Variants in CDC42BPB observed in about 807,000 individuals in gnomAD.
CDC42BPB encodes CDC42 binding protein kinase beta, also known as serine/threonine-protein kinase MRCK beta.
In CDC42BPB, 37 loss-of-function variants were observed where a neutral mutation model predicts 214.9. The observed-to-expected ratio is 0.17, with a 90% confidence interval of 0.13 to 0.23. The LOEUF (loss-of-function observed/expected upper bound fraction) is 0.23. CDC42BPB is among the 10% of genes least tolerant of loss of function. CDC42BPB has a pLI of 1.00. For missense variants in CDC42BPB, 1,694 were observed against 2,227.0 expected (o/e 0.76, Z 4.82); for synonymous variants, 931 against 884.0 (o/e 1.05, Z -0.94).
At chr14:103,046,517 A>C (rs1369718390) in intron 1 of CDC42BPB, among the ~76,000 whole-genome samples, 1 of 152,246 alleles carries the variant, frequency 6.6e-6, no homozygotes, top group East Asian at 1.9e-4. Context: ...GAAACAGACA[A>C]GGTAGGAGGC....
intron 1 of CDC42BPB, among the ~76,000 whole-genome samples, chr14:103,014,289 G>A (rs555706903): frequency 7.2e-5 from 11 of 151,956 alleles, no homozygotes; most frequent in African/African-American, 2.2e-4. Context: ...GCTCGTGCCC[G>A]CCATGTATCC....
intron 27 of CDC42BPB, 88 bp downstream of exon 27, chr14:102,947,633 G>T: frequency 8.5e-7 from 1 of 1,174,848 alleles, no homozygotes; most frequent in Non-Finnish European, 1.3e-6. Context: ...CTGGAGGTGC[G>T]CTGATGGCTG....
At chr14:102,999,257 G>A (rs1294148653) in intron 5 of CDC42BPB, among the ~76,000 whole-genome samples, 1 of 151,334 alleles carries the variant, frequency 6.6e-6, no homozygotes, top group Admixed American at 6.6e-5. Flanking sequence ...GTGAGCCCCA[G>A]GGAGCACAGG....
rs10146545 is a variant in CDC42BPB at position 102,943,093 on chromosome 14, G to A, written c.4408+798C>T. On this transcript the variant is annotated intron_variant, in intron 30 of 36. Transcript: ENST00000361246. The surrounding 1 kb of genome is among the most constrained non-coding windows in gnomAD (Gnocchi z 4.6). ...TCACCCTATTAGCCAGGATGGTCTC[G>A]ATCTCCTAACCTCGTGATCCGCCCT... 0.013 allele frequency among the ~76,000 whole-genome samples: 1,984 copies of A among 152,176 alleles called. 52 individuals carry two copies. The highest frequency in any genetic ancestry group is 0.046 in the African/African-American group (1,903 of 41,502).
intron 18 of CDC42BPB, 83 bp downstream of exon 18, chr14:102,966,199 A>G (rs141017969): frequency 8.2e-5 from 86 of 1,054,454 alleles, no homozygotes; most frequent in Non-Finnish European, 1.2e-4. Context: ...AATTCCCTAA[A>G]TAGTACTTAT....
intron 20 of CDC42BPB, among the ~76,000 whole-genome samples, chr14:102,961,162 G>GAATC (rs34666495): frequency 0.08 from 11,966 of 149,558 alleles, 660 homozygotes; most frequent in African/African-American, 0.16. Flanking sequence ...GCAAGACCCT[G>GAATC]AATCAATCAA....
Position 102,975,740 on chromosome 14 carries a change from T to A in CDC42BPB, c.1451A>T (p.Asp484Val). Residue 484 changes from aspartate (D) to valine (V), a missense_variant, in exon 11 of 37, where the codon GAT (aspartate) becomes GTT (valine). Around this residue, in one of 7 missense-constraint regions of CDC42BPB, gnomAD observed 462 missense variants for 513.5 expected, o/e 0.90. Coordinates refer to ENST00000361246, the MANE Select transcript of CDC42BPB (RefSeq NM_006035.4). ...TTCATTTAGCTTTTTGATTTCTTTA[T>A]CTCGGTTTGAATTGCTGAGGGCCCG... The part of the protein sequence containing the change: ...SSRALSNSNR[D>V]KEIKKLNEEI... The A allele has an allele frequency of 6.2e-7, 1 of 1,614,220 alleles. No individual in the cohort carries two copies. Among genetic ancestry groups the A allele is most frequent in the Non-Finnish European group, 8.5e-7 (1 of 1,180,008 alleles).
chr14:102,978,272 T>C (rs1483505511), intron 8 of CDC42BPB, 67 bp from the exon 9 acceptor site: 3 of 1,600,682 alleles, frequency 1.9e-6, no homozygotes, highest in Middle Eastern at 1.7e-4. Flanking sequence ...AGAGGAAAGA[T>C]GGTTACAGTC....
chr14:103,012,305 T>C, intron 1 of CDC42BPB, 117 bp from the exon 2 acceptor site: 1 of 1,467,000 alleles, frequency 6.8e-7, no homozygotes, highest in Non-Finnish European at 9.0e-7. Context: ...TTTGAAAATA[T>C]TTAATATCTG....
chr14:103,001,281 C>T lies in CDC42BPB; in HGVS notation c.448-1568G>A, dbSNP rs192578144. Among the ~76,000 whole-genome samples, 1 of 152,334 alleles carries T rather than the reference C, an allele frequency of 6.6e-6. No homozygotes were observed. Among genetic ancestry groups the T allele is most frequent in the East Asian group, 1.9e-4 (1 of 5,172 alleles). On this transcript the variant is annotated intron_variant, in intron 4 of 36. Transcript: ENST00000361246. This position sits in a 1 kb window ranked among gnomAD's most constrained non-coding sequence, Gnocchi z 5.8. ...GTGGCCCCGCCAGCCCCTCTGGCAA[C>T]AGGGGTGCTGGCATGCACGAGACAG... is the stretch of plus-strand genomic sequence containing the variant.
At chr14:102,960,380 G>A (rs1892904881) in intron 20 of CDC42BPB, among the ~76,000 whole-genome samples, 1 of 152,104 alleles carries the variant, frequency 6.6e-6, no homozygotes, top group Non-Finnish European at 1.5e-5. Context: ...ACTTTGGGAG[G>A]CCAAGGTCGG....
intron 5 of CDC42BPB, among the ~76,000 whole-genome samples, chr14:102,991,107 T>C (rs1470841545): frequency 6.6e-6 from 1 of 151,810 alleles, no homozygotes; most frequent in Non-Finnish European, 1.5e-5. Context: ...CTTAAAAGTA[T>C]CTCCCCACAG....
chr14:103,056,671 CGGGG>C (rs546172040), intron 1 of CDC42BPB, among the ~76,000 whole-genome samples: 2 of 4,256 alleles, frequency 4.7e-4, no homozygotes, highest in East Asian at 7.1e-3. Context: ...GAGGGCCCGG[CGGGG>C]GGGAGGGGGT....
intron 1 of CDC42BPB, among the ~76,000 whole-genome samples, chr14:103,023,815 G>A (rs891477642): frequency 7.9e-5 from 12 of 152,020 alleles, no homozygotes; most frequent in Non-Finnish European, 1.6e-4. Context: ...CTAATATGCA[G>A]ATTTTGCAGC....
rs35880662 is a variant in CDC42BPB at position 102,943,326 on chromosome 14, C to G, written c.4408+565G>C. On this transcript the variant is annotated intron_variant, in intron 30 of 36. Transcript: ENST00000361246. This position sits in a 1 kb window ranked among gnomAD's most constrained non-coding sequence, Gnocchi z 4.6. ...CAGCGGGCCAGTCGGGAAGTGTCCA[C>G]TGGTCCTACCTGTTCCCCAGTGCCA... Among the ~76,000 whole-genome samples, 3,008 of 152,344 alleles carry G rather than the reference C, an allele frequency of 0.02. 33 individuals are homozygous for G. The highest frequency in any genetic ancestry group is 0.024 in the Middle Eastern group (7 of 294).
At chr14:102,940,384 G>C (rs1016391580) in intron 30 of CDC42BPB, 60 bp from the exon 31 acceptor site, 6 of 1,547,278 alleles carry the variant, frequency 3.9e-6, no homozygotes, top group South Asian at 1.2e-5. Flanking sequence ...ACCTGCCCTC[G>C]GGCCGGAGGC....
intron 20 of CDC42BPB, among the ~76,000 whole-genome samples, chr14:102,961,837 C>A (rs958002320): frequency 2.0e-5 from 3 of 152,140 alleles, no homozygotes; most frequent in Non-Finnish European, 4.4e-5. Context: ...GCCACCGCAC[C>A]GGCTGCAAAA....
At chr14:102,962,407 C>T (rs1338484783) in intron 20 of CDC42BPB, among the ~76,000 whole-genome samples, 1 of 152,248 alleles carries the variant, frequency 6.6e-6, no homozygotes, top group East Asian at 1.9e-4. Flanking sequence ...ATAAACCATC[C>T]CAGTGGCTGG....
At chr14:102,960,074 G>GT (rs1892891066) in intron 20 of CDC42BPB, among the ~76,000 whole-genome samples, 2 of 152,020 alleles carry the variant, frequency 1.3e-5, no homozygotes, top group African/African-American at 4.8e-5. Flanking sequence ...GTGCATGGTG[G>GT]TATGTGCCTG....
Sources: allele counts gnomAD v4.1 joint callset (sites outside exome capture counted in the v4.1 genomes callset), GRCh38; gene constraint gnomAD v4.1.1; regional missense constraint gnomAD v4.1.1; non-coding constraint Gnocchi (gnomAD v3.1); transcripts MANE v1.5; gene names NCBI Gene and HGNC (gene_info 2026-07-23, HGNC 2026-07-21).